The following PHACTR3 variants were observed in gnomAD, a reference collection of about 807,000 sequenced individuals.
PHACTR3 encodes protein phosphatase 1, regulatory subunit 123.
PHACTR3 carries 16 observed loss-of-function variants against 66.8 expected under a neutral mutation model. The observed-to-expected ratio is 0.24, with a 90% confidence interval of 0.16 to 0.36. The LOEUF is 0.36. Among genes scored for constraint, PHACTR3 ranks in the 10% least tolerant of loss-of-function variants. PHACTR3 has a pLI of 1.00. For missense variants in PHACTR3, 647 were observed against 719.9 expected, an observed-to-expected ratio of 0.90 and a Z score of 1.16; for synonymous variants, 323 against 292.1, an observed-to-expected ratio of 1.11 and a Z score of -1.08.
At chr20:59,648,254 T>A (rs1312094468) in intron 1 of PHACTR3, among the ~76,000 whole-genome samples, 1 of 152,192 alleles carries the variant, frequency 6.6e-6, no homozygotes, top group Non-Finnish European at 1.5e-5. Context: ...AGGCCACATT[T>A]CCTTCTCCTC....
chr20:59,808,440 A>C (rs1285253069), intron 8 of PHACTR3, among the ~76,000 whole-genome samples: 1 of 152,224 alleles, frequency 6.6e-6, no homozygotes, highest in African/African-American at 2.4e-5. Context: ...CCCAGGAGCC[A>C]CAGTCCACAT....
chr20:59,773,195 C>T (rs2040412727), intron 5 of PHACTR3, 84 bp from the exon 6 acceptor site: 3 of 1,460,810 alleles, frequency 2.1e-6, no homozygotes, highest in African/African-American at 1.4e-5. Context: ...AGCGTCCTTT[C>T]CGCTCATGGT....
chr20:59,672,265 C>T (rs1028488593), intron 1 of PHACTR3, among the ~76,000 whole-genome samples: 1 of 152,248 alleles, frequency 6.6e-6, no homozygotes, highest in Non-Finnish European at 1.5e-5. Context: ...CGCATCCCTG[C>T]GTTGGAGTCA....
intron 7 of PHACTR3, among the ~76,000 whole-genome samples, chr20:59,786,064 C>G (rs1354301811): frequency 6.6e-6 from 1 of 152,252 alleles, no homozygotes; most frequent in Non-Finnish European, 1.5e-5. Context: ...CTGTGATGCT[C>G]AAACTTCTGA....
intron 8 of PHACTR3, among the ~76,000 whole-genome samples, chr20:59,812,362 A>G (rs2041761209): frequency 6.6e-6 from 1 of 152,172 alleles, no homozygotes; most frequent in Non-Finnish European, 1.5e-5. Context: ...GCTTCTCTGC[A>G]CGTTTTGTCC....
chr20:59,834,936 C>CA (rs749506700), intron 8 of PHACTR3, among the ~76,000 whole-genome samples: 9 of 151,958 alleles, frequency 5.9e-5, no homozygotes, highest in African/African-American at 1.5e-4. Context: ...AAAATAATTG[C>CA]AAAAAAACCC....
intron 1 of PHACTR3, among the ~76,000 whole-genome samples, chr20:59,650,004 T>A (rs1355294832): frequency 2.0e-5 from 3 of 152,194 alleles, no homozygotes; most frequent in African/African-American, 2.4e-5. Flanking sequence ...GAGCAAAAAA[T>A]TTAACTATAA....
intron 1 of PHACTR3, among the ~76,000 whole-genome samples, chr20:59,582,763 G>A (rs1394604064): frequency 1.3e-5 from 2 of 152,070 alleles, no homozygotes; most frequent in African/African-American, 2.4e-5. Context: ...CAGGGGGGTC[G>A]TTCGTGTGTT....
chr20:59,814,822 G>A (rs563487457), intron 8 of PHACTR3, among the ~76,000 whole-genome samples: 2 of 152,236 alleles, frequency 1.3e-5, no homozygotes, highest in South Asian at 4.2e-4. Context: ...AGACACTGGG[G>A]TCTGGAAACC....
At chr20:59,682,020 AAAAG>A (rs563357510) in intron 1 of PHACTR3, among the ~76,000 whole-genome samples, 281 of 151,682 alleles carry the variant, frequency 1.9e-3, no homozygotes, top group African/African-American at 5.6e-3. Context: ...CAAAAAAAAA[AAAAG>A]AAAGAAAGAA....
intron 1 of PHACTR3, among the ~76,000 whole-genome samples, chr20:59,586,228 T>C (rs1397008208): frequency 1.3e-5 from 2 of 152,158 alleles, no homozygotes; most frequent in East Asian, 1.9e-4. Context: ...CCTAAGTTCA[T>C]TGCCACTCCC....
chr20:59,651,827 TGGTAGGTAGGTAGGTAGGTAGGTA>T (rs3042679), intron 1 of PHACTR3, among the ~76,000 whole-genome samples: 6,923 of 147,796 alleles, frequency 0.047, 396 homozygotes, highest in East Asian at 0.29. Flanking sequence ...AGGATCTTTT[TGGTAGGTAGGTAGGTAGGTAGGTA>T]GGTAGGTAGG....
chr20:59,833,628 G>A (rs1173052406), intron 8 of PHACTR3, among the ~76,000 whole-genome samples: 1 of 152,182 alleles, frequency 6.6e-6, no homozygotes, highest in Non-Finnish European at 1.5e-5. Flanking sequence ...TCTCAGATTT[G>A]AGGAAATGCA....
intron 1 of PHACTR3, among the ~76,000 whole-genome samples, chr20:59,671,046 G>C (rs1008619123): frequency 6.6e-6 from 1 of 152,150 alleles, no homozygotes; most frequent in Non-Finnish European, 1.5e-5. Flanking sequence ...GCTCCTCCCT[G>C]GTCCAATGGG....
chr20:59,779,219 C>G (rs762632379), intron 7 of PHACTR3, among the ~76,000 whole-genome samples: 1 of 152,230 alleles, frequency 6.6e-6, no homozygotes, highest in Non-Finnish European at 1.5e-5. Flanking sequence ...GCCCTGAAAT[C>G]AAGTGCAGAA....
intron 8 of PHACTR3, among the ~76,000 whole-genome samples, chr20:59,806,707 G>T (rs2041582170): frequency 6.6e-6 from 1 of 152,202 alleles, no homozygotes; most frequent in Non-Finnish European, 1.5e-5. Context: ...TTAATGACAG[G>T]ATACATTCTG....
chr20:59,633,029 AAGG>A lies in PHACTR3; in HGVS notation c.118+27900_118+27902del, dbSNP rs1305608073. On this transcript the variant is annotated intron_variant, in intron 1 of 12. Transcript: ENST00000371015. The stretch of plus-strand genomic sequence containing the variant: ...TGATCCTGGGGTGCACGGGGGCAGG[AAGG>A]AGAGGAGTGTGGGAGTTGATGGGGA... Among the ~76,000 whole-genome samples, 6 of 152,196 alleles carry A rather than the reference AAGG, an allele frequency of 3.9e-5. No homozygotes were observed. The South Asian group carries it at 1.2e-3, about 32-fold the overall frequency.
intron 7 of PHACTR3, among the ~76,000 whole-genome samples, chr20:59,797,423 C>T (rs1399926587): frequency 6.6e-6 from 1 of 151,982 alleles, no homozygotes; most frequent in Non-Finnish European, 1.5e-5. Flanking sequence ...TGTGTCCATG[C>T]ATTGGTATCT....
intron 4 of PHACTR3, 136 bp from the exon 5 acceptor site, chr20:59,767,050 T>A: frequency 1.3e-6 from 1 of 751,608 alleles, no homozygotes; most frequent in Non-Finnish European, 2.2e-6. Context: ...TTGCAGGAAG[T>A]CAAGTGCCTG....
Sources: gnomAD v4.1 joint callset for allele counts (sites outside exome capture counted in the v4.1 genomes callset) on GRCh38, gnomAD v4.1.1 for gene constraint, MANE v1.5 for transcripts, NCBI Gene and HGNC (gene_info 2026-07-23, HGNC 2026-07-21) for gene names.